Variants in CDKL1 observed in about 807,000 individuals in gnomAD.
CDKL1 encodes cyclin-dependent kinase-like 1.
CDKL1 carries 41 observed loss-of-function variants against 42.0 expected under a neutral mutation model. That is an observed-to-expected ratio of 0.98 (90% confidence interval 0.76 to 1.27). The LOEUF is 1.27. CDKL1 is among the 50% of genes most tolerant of loss of function. The pLI is 0.00. For missense variants in CDKL1, 394 were observed against 428.4 expected, an observed-to-expected ratio of 0.92 and a Z score of 0.71; for synonymous variants, 153 against 158.6, an observed-to-expected ratio of 0.96 and a Z score of 0.26.
intron 2 of CDKL1, among the ~76,000 whole-genome samples, chr14:50,385,070 C>CAAAAAAAAAAAA (rs55719234): frequency 3.2e-5 from 3 of 93,568 alleles, no homozygotes; most frequent in Non-Finnish European, 4.1e-5. Flanking sequence ...GACTCTGTCT[C>CAAAAAAAAAAAA]AAAAAAAAAA....
intron 2 of CDKL1, among the ~76,000 whole-genome samples, chr14:50,359,892 A>G (rs927785613): frequency 6.6e-6 from 1 of 151,346 alleles, no homozygotes; most frequent in Non-Finnish European, 1.5e-5. Flanking sequence ...ACATAATGCT[A>G]TCAGAAGCAC....
rs1044323147 is a variant in CDKL1, at chr14:50,396,309, C to A, written c.-441G>T. The A allele has an allele frequency of 2.1e-5, 21 of 1,007,418 alleles. No homozygotes were observed. The highest frequency in any genetic ancestry group is 2.5e-5 in the Non-Finnish European group (21 of 844,574). 62.4% of individuals were successfully genotyped at this position (1,007,418 alleles called of 1,614,324 possible). ...CGGACTGCACTAGAGCCCCACCCAA[C>A]GATGAGTGTTTGTCACGGTCCTAGA... On this transcript the variant is annotated 5_prime_UTR_variant, in exon 2 of 10. Coordinates refer to ENST00000395834, the MANE Select transcript of CDKL1 (RefSeq NM_004196.7).
Position 50,357,906 on chromosome 14 carries a change from C to A in CDKL1, c.290+1122G>T, listed in dbSNP as rs549068797. The A allele has an allele frequency of 6.4e-6, 3 of 471,856 alleles. No homozygotes were observed. The East Asian group carries it at 1.7e-4, about 27-fold the overall frequency. The allele number at this position is 471,856 out of a possible 1,614,324, so 29.2% of individuals were successfully genotyped here. On this transcript the variant is annotated intron_variant, in intron 3 of 9. Coordinates refer to ENST00000395834, the MANE Select transcript of CDKL1 (RefSeq NM_004196.7). Reference sequence around the variant, plus strand: ...ATATAAGGGAAGCTTATTTGCAAGGCACAATGAAGAAGAATTAGGGCTGGG... The same window carrying A: ...ATATAAGGGAAGCTTATTTGCAAGGAACAATGAAGAAGAATTAGGGCTGGG...
chr14:50,379,300 T>C (rs2034835130), intron 2 of CDKL1, among the ~76,000 whole-genome samples: 1 of 152,088 alleles, frequency 6.6e-6, no homozygotes, highest in African/African-American at 2.4e-5. Context: ...ATGTGTGATG[T>C]GGGACTGCAG....
chr14:50,385,822 A>G (rs1027175785), intron 2 of CDKL1, among the ~76,000 whole-genome samples: 2 of 151,152 alleles, frequency 1.3e-5, no homozygotes, highest in Non-Finnish European at 2.9e-5. Flanking sequence ...AAAAAAAAAA[A>G]AGTCATGGCA....
At chr14:50,369,004 A>G (rs966695081) in intron 2 of CDKL1, among the ~76,000 whole-genome samples, 4 of 151,722 alleles carry the variant, frequency 2.6e-5, no homozygotes, top group East Asian at 3.9e-4. Flanking sequence ...GCAGCTGGGA[A>G]TACAGGTGTG....
intron 3 of CDKL1, among the ~76,000 whole-genome samples, chr14:50,350,974 C>T (rs1489146746): frequency 6.6e-6 from 1 of 152,106 alleles, no homozygotes; most frequent in African/African-American, 2.4e-5. Flanking sequence ...CTGCTGAGCT[C>T]TCCACTGGTG....
chr14:50,332,349 T>TA lies in CDKL1; in HGVS notation c.878dup (p.Glu294ArgfsTer47). ...TGTTGTGTTCTTTTGCCAAATCCTC[T>TA]ATTTCTCTGATGTTTTCAAAATATG... On this transcript the variant is annotated frameshift_variant, in exon 9 of 10. Coordinates refer to ENST00000395834, the MANE Select transcript of CDKL1 (RefSeq NM_004196.7). LOFTEE classifies it high-confidence loss of function. 1.2e-6 allele frequency: 2 copies of TA among 1,614,256 alleles called. No homozygotes were observed. The highest frequency in any genetic ancestry group is 1.7e-6 in the Non-Finnish European group (2 of 1,180,042).
rs2033007449 is a variant in CDKL1, at chr14:50,332,452, CT to C, written c.796-21del. On this transcript the variant is annotated intron_variant, in intron 8 of 9. Transcript: ENST00000395834. ...ACAGCCCTAAAAGAACAGAAAATTCCTTCTTCTTACTTCTTCAAAATTGTAT... is the reference window on the plus strand; with the variant it reads ...ACAGCCCTAAAAGAACAGAAAATTCCTCTTCTTACTTCTTCAAAATTGTAT... 5 of 1,556,234 alleles carry C rather than the reference CT, an allele frequency of 3.2e-6. No homozygotes were observed. The highest frequency in any genetic ancestry group is 4.3e-6 in the Non-Finnish European group (5 of 1,159,560).
intron 2 of CDKL1, among the ~76,000 whole-genome samples, chr14:50,395,360 C>T (rs1022077684): frequency 1.3e-5 from 2 of 152,210 alleles, no homozygotes; most frequent in African/African-American, 4.8e-5. Context: ...CTTTCTAGTT[C>T]ATTATATAAT....
chr14:50,356,182 T>C (rs2034051450), intron 3 of CDKL1, among the ~76,000 whole-genome samples: 1 of 152,194 alleles, frequency 6.6e-6, no homozygotes, highest in Non-Finnish European at 1.5e-5. Flanking sequence ...GTTGATATTG[T>C]CTAATAGATC....
At chr14:50,385,174 T>G (rs2035041076) in intron 2 of CDKL1, among the ~76,000 whole-genome samples, 1 of 150,600 alleles carries the variant, frequency 6.6e-6, no homozygotes, top group South Asian at 2.1e-4. Flanking sequence ...CCCCACAGAT[T>G]ATTAATTATA....
chr14:50,363,964 C>G (rs1315720622), intron 2 of CDKL1: 1 of 152,260 alleles, frequency 6.6e-6, no homozygotes, highest in Non-Finnish European at 1.5e-5. Context: ...TAAAGCATGC[C>G]CCACCTCCAG....
At chr14:50,386,882 C>A (rs1461018423) in intron 2 of CDKL1, among the ~76,000 whole-genome samples, 1 of 151,824 alleles carries the variant, frequency 6.6e-6, no homozygotes, top group African/African-American at 2.4e-5. Context: ...CAAAAACCAG[C>A]CAGGTGTGGT....
At chr14:50,341,891 T>A (rs1285906467) in intron 5 of CDKL1, among the ~76,000 whole-genome samples, 1 of 152,000 alleles carries the variant, frequency 6.6e-6, no homozygotes, top group African/African-American at 2.4e-5. Flanking sequence ...ATGGTAGAAA[T>A]CAGGGAGGTA....
chr14:50,335,641 G>T, intron 7 of CDKL1: 1 of 1,519,464 alleles, frequency 6.6e-7, no homozygotes, highest in South Asian at 1.2e-5. Context: ...GGCTAATTGA[G>T]CAGAGAGGCT....
rs1228300460 is a variant in CDKL1 at position 50,390,391 on chromosome 14, T to G, written c.168+5310A>C. ...TGCCACTGCTGGCAGAAATTCTTTC[T>G]TTCCTCTTCTTACCATTTTCATTCC... On this transcript the variant is annotated intron_variant, in intron 2 of 9. Coordinates refer to ENST00000395834, the MANE Select transcript of CDKL1 (RefSeq NM_004196.7). The G allele has an allele frequency of 2.2e-6, 3 of 1,354,896 alleles. No individual in the cohort carries two copies. In the East Asian group the frequency reaches 1.4e-4, roughly 63 times the overall value. 83.9% of individuals were successfully genotyped at this position (1,354,896 alleles called of 1,614,324 possible).
chr14:50,386,412 C>T (rs1323281303), intron 2 of CDKL1, among the ~76,000 whole-genome samples: 3 of 152,072 alleles, frequency 2.0e-5, no homozygotes, highest in Non-Finnish European at 4.4e-5. Flanking sequence ...GCAGCCTGGG[C>T]AACAGAGTGA....
intron 9 of CDKL1, chr14:50,330,868 A>G (rs2032898466): frequency 6.6e-6 from 1 of 152,124 alleles, no homozygotes; most frequent in Non-Finnish European, 1.5e-5. Flanking sequence ...TCTAGAAAAA[A>G]ATTTTTCAGC....
Sources: allele counts gnomAD v4.1 joint callset (sites outside exome capture counted in the v4.1 genomes callset), GRCh38; gene constraint gnomAD v4.1.1; transcripts MANE v1.5; gene names NCBI Gene and HGNC (gene_info 2026-07-23, HGNC 2026-07-21).